OR6B3: variants seen among roughly 807,000 people sequenced by gnomAD.
The protein encoded by OR6B3 is olfactory receptor 6B3.
For missense variants in OR6B3, 315 were observed against 427.4 expected (o/e 0.74, Z 2.32); for synonymous variants, 148 against 187.8 (o/e 0.79, Z 1.73).
upstream of OR6B3, among the ~76,000 whole-genome samples, chr2:240,048,930 A>G (rs12464748): frequency 0.37 from 56,772 of 152,024 alleles, 11,221 homozygotes; most frequent in East Asian, 0.56. Context: ...CGTCCTGCCC[A>G]TGGGAGGGAA....
At chr2:240,049,234 C>A (rs1200995516), upstream of OR6B3, among the ~76,000 whole-genome samples, 1 of 152,084 alleles carries the variant, frequency 6.6e-6, no homozygotes, top group Non-Finnish European at 1.5e-5. Flanking sequence ...AGTTTAGGAA[C>A]TTCAAGGAAA....
At chr2:240,051,780 A>G (rs2106528979), upstream of OR6B3, among the ~76,000 whole-genome samples, 1 of 152,336 alleles carries the variant, frequency 6.6e-6, no homozygotes, top group Middle Eastern at 3.4e-3. Flanking sequence ...AAGTCTAGCT[A>G]ATGCTAAAAG....
chr2:240,052,138 A>T, the OR6B3 span, among the ~76,000 whole-genome samples: 2 of 152,244 alleles, frequency 1.3e-5, no homozygotes, highest in African/African-American at 4.8e-5. The surrounding 1 kb of genome is among the most constrained non-coding windows in gnomAD (Gnocchi z 4.5). Context: ...GTCTTCCTGT[A>T]TACCAACAAT....
chr2:240,053,390 G>A, the OR6B3 span, among the ~76,000 whole-genome samples: 7 of 152,314 alleles, frequency 4.6e-5, no homozygotes, highest in Non-Finnish European at 8.8e-5. This position sits in a 1 kb window ranked among gnomAD's most constrained non-coding sequence, Gnocchi z 4.1. Context: ...TGTGGACAGT[G>A]CAAGATGCAC....
At chr2:240,048,413 C>G (rs55737523), upstream of OR6B3, among the ~76,000 whole-genome samples, 39,958 of 151,950 alleles carry the variant, frequency 0.26, 5,470 homozygotes, top group East Asian at 0.56. Flanking sequence ...TCCGCACTGT[C>G]TCTCCTGGTT....
upstream of OR6B3, among the ~76,000 whole-genome samples, chr2:240,049,712 G>A (rs1345840589): frequency 6.6e-6 from 1 of 152,106 alleles, no homozygotes; most frequent in Middle Eastern, 3.4e-3. Flanking sequence ...AATAGTAATT[G>A]TTTGGAAAAA....
At chr2:240,049,909 T>C (rs913898048), upstream of OR6B3, among the ~76,000 whole-genome samples, 1 of 152,168 alleles carries the variant, frequency 6.6e-6, no homozygotes, top group African/African-American at 2.4e-5. Context: ...CAAAAGGGTA[T>C]GTTATATTCC....
At chr2:240,052,583 T>A in the OR6B3 span, among the ~76,000 whole-genome samples, 1 of 152,096 alleles carries the variant, frequency 6.6e-6, no homozygotes, top group African/African-American at 2.4e-5. The surrounding 1 kb of genome is among the most constrained non-coding windows in gnomAD (Gnocchi z 4.5). Flanking sequence ...ATTAAACCCA[T>A]GCTAAAAACC....
chr2:240,045,089 G>T, exon 2 of OR6B3: 1 of 1,590,518 alleles, frequency 6.3e-7, no homozygotes, highest in Non-Finnish European at 8.5e-7. Context: ...AGAGAGGCTG[G>T]CTGTGTATTT....
the OR6B3 span, among the ~76,000 whole-genome samples, chr2:240,052,853 C>T: frequency 1.3e-5 from 2 of 152,078 alleles, no homozygotes; most frequent in Non-Finnish European, 2.9e-5. This position sits in a 1 kb window ranked among gnomAD's most constrained non-coding sequence, Gnocchi z 4.5. Context: ...ACTCTGTTGC[C>T]CAGGCTGGAG....
upstream of OR6B3, among the ~76,000 whole-genome samples, chr2:240,047,226 T>C (rs1372032678): frequency 6.6e-6 from 1 of 152,220 alleles, no homozygotes; most frequent in Non-Finnish European, 1.5e-5. Context: ...GGGCATAGGT[T>C]GGTTGAACGA....
chr2:240,047,760 A>C (rs1161914437), upstream of OR6B3, among the ~76,000 whole-genome samples: 1 of 152,246 alleles, frequency 6.6e-6, no homozygotes, highest in Non-Finnish European at 1.5e-5. Context: ...TCTATACTGA[A>C]AAACACACAT....
At chr2:240,045,376 C>T (rs774035456) in exon 2 of OR6B3, 11 of 1,614,044 alleles carry the variant, frequency 6.8e-6, no homozygotes, top group Middle Eastern at 1.6e-4. Flanking sequence ...CTCCAGCAGC[C>T]GGTGGCCGAG....
the OR6B3 span, among the ~76,000 whole-genome samples, chr2:240,052,276 T>C: frequency 6.6e-6 from 1 of 152,232 alleles, no homozygotes; most frequent in Non-Finnish European, 1.5e-5. The surrounding 1 kb of genome is among the most constrained non-coding windows in gnomAD (Gnocchi z 4.5). Context: ...TGAAACAGGA[T>C]GAAATAATTC....
chr2:240,052,823 T>C, the OR6B3 span, among the ~76,000 whole-genome samples: 1 of 152,172 alleles, frequency 6.6e-6, no homozygotes, highest in Non-Finnish European at 1.5e-5. This position sits in a 1 kb window ranked among gnomAD's most constrained non-coding sequence, Gnocchi z 4.5. Context: ...GACTTTTCTT[T>C]TTTTTTGAGA....
At chr2:240,046,755 G>T (rs76869570) in intron 1 of OR6B3, among the ~76,000 whole-genome samples, 197 bp downstream of exon 2, 3 of 152,148 alleles carry the variant, frequency 2.0e-5, no homozygotes, top group Non-Finnish European at 4.4e-5. Context: ...AAAACAGATG[G>T]CAGCAGAGAG....
chr2:240,053,063 A>G, the OR6B3 span, among the ~76,000 whole-genome samples: 3 of 152,174 alleles, frequency 2.0e-5, no homozygotes, highest in African/African-American at 7.2e-5. The surrounding 1 kb of genome is among the most constrained non-coding windows in gnomAD (Gnocchi z 4.1). Context: ...TCAGCCTGCC[A>G]AAGTGCTGGA....
chr2:240,049,614 G>A (rs1030763251), upstream of OR6B3, among the ~76,000 whole-genome samples: 7 of 152,072 alleles, frequency 4.6e-5, no homozygotes, highest in Non-Finnish European at 8.8e-5. Context: ...CAGACACAGC[G>A]TATCCAGTTC....
upstream of OR6B3, among the ~76,000 whole-genome samples, chr2:240,051,315 G>T (rs1663269855): frequency 6.6e-6 from 1 of 152,192 alleles, no homozygotes; most frequent in African/African-American, 2.4e-5. Flanking sequence ...CTTAGAAGAT[G>T]ATTAAAAGCA....
Sources: gnomAD v4.1 joint callset for allele counts (sites outside exome capture counted in the v4.1 genomes callset) on GRCh38, gnomAD v4.1.1 for gene constraint, Gnocchi (gnomAD v3.1) non-coding constraint, MANE v1.5 for transcripts, NCBI Gene and HGNC (gene_info 2026-07-23, HGNC 2026-07-21) for gene names.